DPP6: variants seen among roughly 807,000 people sequenced by gnomAD.
The protein encoded by DPP6 is A-type potassium channel modulatory protein DPP6.
Under a neutral mutation model 122.6 loss-of-function variants are expected in DPP6, and 69 were observed. The observed-to-expected ratio is 0.56, with a 90% CI of 0.46 to 0.69. DPP6 has a LOEUF of 0.69. Among genes scored for constraint, DPP6 ranks in the 30% least tolerant of loss-of-function variants. The pLI, the probability that DPP6 is intolerant of heterozygous loss-of-function variation, is 0.00. For synonymous variants in DPP6, 418 were observed against 433.1 expected (o/e 0.97, Z 0.43); for missense variants, 928 against 1,116.9 (o/e 0.83, Z 2.41).
At position 154,061,704 on chromosome 7, in the gene DPP6, G is replaced by A. The variant is rs1416650937; in HGVS notation, c.243+8641G>A. 6.9e-5 allele frequency among the ~76,000 whole-genome samples: 6 copies of A among 87,314 alleles called. 1 individual carries two copies. The highest frequency in any genetic ancestry group is 2.5e-4 in the African/African-American group (6 of 23,880). 57.3% of individuals were successfully genotyped at this position (87,314 alleles called of 152,430 possible). On this transcript the variant is annotated intron_variant, in intron 1 of 25. Coordinates refer to ENST00000377770, the MANE Select transcript of DPP6 (RefSeq NM_130797.4). The stretch of plus-strand genomic sequence containing the variant: ...TCTTGGGACCACCATCGCAGGGGGG[G>A]AGGCAATCCCCGCGAGGCGGGGACT...
At chr7:154,330,534 A>G (rs145827537) in intron 1 of DPP6, among the ~76,000 whole-genome samples, 195 of 152,342 alleles carry the variant, frequency 1.3e-3, no homozygotes, top group African/African-American at 4.6e-3. Flanking sequence ...GGGCAGTTTG[A>G]CAAAGAGCAG....
chr7:153,761,131 C>T, the DPP6 span, among the ~76,000 whole-genome samples: 2 of 152,258 alleles, frequency 1.3e-5, no homozygotes, highest in African/African-American at 2.4e-5. Context: ...TGTCCTTCTT[C>T]GCTTTCTTTG....
At chr7:154,546,430 A>G (rs11980465) in intron 4 of DPP6, among the ~76,000 whole-genome samples, 1,926 of 151,886 alleles carry the variant, frequency 0.013, 34 homozygotes, top group East Asian at 0.069. Context: ...CACAATGAGT[A>G]TGTAAGAGCT....
At chr7:154,249,097 C>T (rs75884388) in intron 1 of DPP6, among the ~76,000 whole-genome samples, 1 of 152,140 alleles carries the variant, frequency 6.6e-6, no homozygotes, top group Non-Finnish European at 1.5e-5. Flanking sequence ...GTTGAAAACT[C>T]ACGGTGGGGC....
At chr7:153,808,404 T>A in the DPP6 span, among the ~76,000 whole-genome samples, 1 of 151,234 alleles carries the variant, frequency 6.6e-6, no homozygotes, top group Non-Finnish European at 1.5e-5. Context: ...CCTGTGTGTG[T>A]GCCTGTATGT....
intron 10 of DPP6, among the ~76,000 whole-genome samples, chr7:154,789,246 T>C (rs979684639): frequency 6.6e-6 from 1 of 152,240 alleles, no homozygotes; most frequent in Non-Finnish European, 1.5e-5. Flanking sequence ...ACATTTTTTT[T>C]TCTACCTTCT....
chr7:154,229,014 G>T (rs965049422), intron 1 of DPP6, among the ~76,000 whole-genome samples: 2 of 152,218 alleles, frequency 1.3e-5, no homozygotes, highest in African/African-American at 4.8e-5. Context: ...CTTGTTTGAT[G>T]AGAGGAGTGA....
chr7:154,593,030 G>T (rs1394102792), intron 5 of DPP6, among the ~76,000 whole-genome samples: 2 of 152,180 alleles, frequency 1.3e-5, no homozygotes, highest in Non-Finnish European at 2.9e-5. Context: ...ACAAGCAGGA[G>T]GCTGGAATGG....
At chr7:154,886,227 G>A (rs1283442380) in intron 22 of DPP6, among the ~76,000 whole-genome samples, 6 of 152,222 alleles carry the variant, frequency 3.9e-5, no homozygotes, top group African/African-American at 7.2e-5. Context: ...GCAATTCAAC[G>A]AGGTCCACGT....
chr7:154,225,726 CAG>C (rs1244555486), intron 1 of DPP6, among the ~76,000 whole-genome samples: 2 of 151,868 alleles, frequency 1.3e-5, no homozygotes, highest in African/African-American at 2.4e-5. Context: ...ATTTAAAGAA[CAG>C]AGACATTTAC....
intron 1 of DPP6, among the ~76,000 whole-genome samples, chr7:153,923,161 T>G (rs948312096): frequency 6.6e-6 from 1 of 152,030 alleles, no homozygotes; most frequent in Non-Finnish European, 1.5e-5. Context: ...AATAGAAGGA[T>G]TTGAGATTAA....
chr7:154,862,218 C>T (rs1486589251), intron 17 of DPP6, among the ~76,000 whole-genome samples: 1 of 152,170 alleles, frequency 6.6e-6, no homozygotes, highest in East Asian at 1.9e-4. Context: ...GCCCTCGTGA[C>T]GCCTGTGTCA....
At chr7:154,754,017 T>C (rs1208659763) in intron 8 of DPP6, among the ~76,000 whole-genome samples, 1 of 137,752 alleles carries the variant, frequency 7.3e-6, no homozygotes, top group Non-Finnish European at 1.5e-5. Context: ...TAATTTACAA[T>C]TAATTAACCT....
rs1823284895 is a variant in DPP6 at position 154,481,393 on chromosome 7, C to G, written c.457+6356C>G. Among the ~76,000 whole-genome samples, 2 of 136,748 alleles carry G rather than the reference C, an allele frequency of 1.5e-5. No individual in the cohort carries two copies. Among genetic ancestry groups the G allele is most frequent in the South Asian group, 5.0e-4 (2 of 4,034 alleles). 89.7% of individuals were successfully genotyped at this position (136,748 alleles called of 152,430 possible). A position where few individuals can be genotyped will look rare whatever the true frequency, so the allele number is the denominator to read the frequency against. Reference sequence around the variant, plus strand: ...TGTGTGTCTGTGTGTGTGTGCATGTCAGTCACTGGCTAATTTCCATGTCCA... The same window carrying G: ...TGTGTGTCTGTGTGTGTGTGCATGTGAGTCACTGGCTAATTTCCATGTCCA... On this transcript the variant is annotated intron_variant, in intron 3 of 25. Transcript: ENST00000377770. The surrounding 1 kb of genome is among the most constrained non-coding windows in gnomAD (Gnocchi z 4.2).
At chr7:154,864,727 A>T (rs2150612018) in intron 17 of DPP6, among the ~76,000 whole-genome samples, 1 of 152,352 alleles carries the variant, frequency 6.6e-6, no homozygotes, top group African/African-American at 2.4e-5. Flanking sequence ...TAAATTTAAT[A>T]GTCTGTTGCT....
At chr7:154,033,515 C>T (rs767479585) in intron 1 of DPP6, among the ~76,000 whole-genome samples, 1 of 152,224 alleles carries the variant, frequency 6.6e-6, no homozygotes, top group Non-Finnish European at 1.5e-5. Flanking sequence ...GCCTTCCTAA[C>T]CTGGTCAAGG....
chr7:154,350,191 G>A (rs1436127940), intron 1 of DPP6, among the ~76,000 whole-genome samples: 1 of 152,202 alleles, frequency 6.6e-6, no homozygotes, highest in African/African-American at 2.4e-5. Flanking sequence ...TGTGGTCTGG[G>A]GCTGGAAGGT....
intron 1 of DPP6, among the ~76,000 whole-genome samples, chr7:154,177,716 C>T (rs1285132928): frequency 6.6e-6 from 1 of 152,138 alleles, no homozygotes; most frequent in African/African-American, 2.4e-5. Flanking sequence ...CTCTCCTTAC[C>T]CAGGTTTCTT....
At chr7:154,240,057 G>C (rs1801489650) in intron 1 of DPP6, among the ~76,000 whole-genome samples, 1 of 143,960 alleles carries the variant, frequency 6.9e-6, no homozygotes, top group African/African-American at 2.6e-5. Flanking sequence ...AGGATTTTCA[G>C]CTGCTCGGAG....
Sources: allele counts gnomAD v4.1 joint callset (sites outside exome capture counted in the v4.1 genomes callset), GRCh38; gene constraint gnomAD v4.1.1; non-coding constraint Gnocchi (gnomAD v3.1); transcripts MANE v1.5; gene names NCBI Gene and HGNC (gene_info 2026-07-23, HGNC 2026-07-21).